The following PLA2R1 variants were observed in gnomAD, a reference collection of about 807,000 sequenced individuals.
The protein encoded by PLA2R1 is secretory phospholipase A2 receptor.
PLA2R1 carries 158 observed loss-of-function variants against 195.9 expected under a neutral mutation model. That is an observed-to-expected ratio of 0.81 (90% CI 0.71 to 0.92). The LOEUF is 0.92. PLA2R1 is among the 40% of genes least tolerant of loss of function. PLA2R1 has a pLI of 0.00. For missense variants in PLA2R1, 1,626 were observed against 1,764.6 expected (o/e 0.92, Z 1.41); for synonymous variants, 586 against 598.2 (o/e 0.98, Z 0.30).
intron 2 of PLA2R1, among the ~76,000 whole-genome samples, chr2:160,042,527 C>A (rs974628587): frequency 6.6e-6 from 1 of 152,116 alleles, no homozygotes; most frequent in Non-Finnish European, 1.5e-5. Flanking sequence ...ACCTTCCAGT[C>A]GCCAAACACA....
intron 29 of PLA2R1, 44 bp downstream of exon 29, chr2:159,942,083 A>C: frequency 6.3e-6 from 10 of 1,596,266 alleles, no homozygotes; most frequent in Non-Finnish European, 8.6e-6. Context: ...CTATCTTATT[A>C]TTTCTAAGAA....
chr2:160,060,970 CT>C (rs1695912469), intron 1 of PLA2R1, among the ~76,000 whole-genome samples: 1 of 152,248 alleles, frequency 6.6e-6, no homozygotes. Flanking sequence ...GCATCTCTGA[CT>C]TTGGTCACTT....
intron 13 of PLA2R1, among the ~76,000 whole-genome samples, chr2:159,983,350 G>C (rs1690094138): frequency 1.3e-5 from 2 of 151,860 alleles, no homozygotes; most frequent in South Asian, 4.1e-4. Flanking sequence ...CTGAATTCAA[G>C]GTTCTGTAAA....
intron 7 of PLA2R1, 140 bp downstream of exon 7, chr2:160,022,525 G>T: frequency 2.2e-6 from 1 of 447,772 alleles, no homozygotes; most frequent in Non-Finnish European, 3.9e-6. Context: ...TTGAACTCCT[G>T]AATAACATTT....
At chr2:159,982,182 C>A (rs952008957) in intron 13 of PLA2R1, among the ~76,000 whole-genome samples, 1 of 152,174 alleles carries the variant, frequency 6.6e-6, no homozygotes, top group Non-Finnish European at 1.5e-5. Flanking sequence ...TTAAAGGAAG[C>A]TAAAGTAATG....
At chr2:159,951,077 T>C (rs1470812386) in intron 24 of PLA2R1, among the ~76,000 whole-genome samples, 2 of 152,140 alleles carry the variant, frequency 1.3e-5, no homozygotes, top group Admixed American at 1.3e-4. Context: ...ACTTGGAAAT[T>C]TTCAGAGAAC....
At chr2:159,951,204 C>T in intron 24 of PLA2R1, 136 bp downstream of exon 24, 1 of 624,402 alleles carries the variant, frequency 1.6e-6, no homozygotes, top group South Asian at 2.0e-5. Flanking sequence ...ATTGCATAAA[C>T]CAATTATTTA....
chr2:159,960,162 T>G (rs1320326928), intron 20 of PLA2R1, among the ~76,000 whole-genome samples: 1 of 152,192 alleles, frequency 6.6e-6, no homozygotes, highest in African/African-American at 2.4e-5. Flanking sequence ...TTCTTAAATG[T>G]CATACTCCCA....
At position 159,967,678 on chromosome 2, in the gene PLA2R1, C is replaced by A. The variant is rs1688878832; in HGVS notation, c.2765G>T (p.Gly922Val). ...TGAACACTCTTCACTACCCCAGAGTCCTGGAGGAGAAAATGGGTTAGAAAT... is the reference window on the plus strand; with the variant it reads ...TGAACACTCTTCACTACCCCAGAGTACTGGAGGAGAAAATGGGTTAGAAAT... ...QRCGFISSIT[G>V]LWGSEECSVS... Residue 922 changes from glycine (G) to valine (V), a missense_variant and splice_region_variant, in exon 20 of 30, where the codon GGA (glycine) becomes GTA (valine). By Grantham distance (109) the Gly-to-Val change is moderately radical. Coordinates refer to ENST00000283243, the MANE Select transcript of PLA2R1 (RefSeq NM_007366.5). 2 of 1,612,282 alleles carry A rather than the reference C, an allele frequency of 1.2e-6. No homozygotes were observed. The highest frequency in any genetic ancestry group is 2.2e-5 in the South Asian group (2 of 90,654).
chr2:160,061,943 C>CA (rs1358981004), intron 1 of PLA2R1, among the ~76,000 whole-genome samples: 1 of 152,152 alleles, frequency 6.6e-6, no homozygotes, highest in Non-Finnish European at 1.5e-5. Flanking sequence ...AAGCAGCTCT[C>CA]AGAAAGTTTC....
At chr2:160,054,872 G>A (rs1312494007) in intron 1 of PLA2R1, among the ~76,000 whole-genome samples, 1 of 152,120 alleles carries the variant, frequency 6.6e-6, no homozygotes, top group African/African-American at 2.4e-5. Context: ...AAAAAAAAAT[G>A]GAGGGAAGGG....
the PLA2R1 span, among the ~76,000 whole-genome samples, chr2:159,926,826 A>G: frequency 0.056 from 8,507 of 152,064 alleles, 773 homozygotes; most frequent in African/African-American, 0.19. Context: ...GCCTGAAGAG[A>G]CAGTGTGTTT....
Position 159,932,904 on chromosome 2 carries a change from G to A in PLA2R1, c.*8874C>T, listed in dbSNP as rs1298024889. 2.0e-5 allele frequency: 3 copies of A among 151,634 alleles called. No individual in the cohort carries two copies. The highest frequency in any genetic ancestry group is 6.6e-5 in the Admixed American group (1 of 15,198). The allele number at this position is 151,634 out of a possible 1,614,324, so 9.4% of individuals were successfully genotyped here. A position where few individuals can be genotyped will look rare whatever the true frequency, so the allele number is the denominator to read the frequency against. ...CTAATATAAATAAGAGACTTAATGG[G>A]AGAAACAGAAACACATTTTACATTA... On this transcript the variant is annotated 3_prime_UTR_variant, in exon 30 of 30. Coordinates refer to ENST00000283243, the MANE Select transcript of PLA2R1 (RefSeq NM_007366.5).
intron 19 of PLA2R1, 60 bp downstream of exon 19, chr2:159,969,196 T>C: frequency 3.7e-6 from 3 of 808,132 alleles, no homozygotes; most frequent in Non-Finnish European, 4.2e-6. Flanking sequence ...GAAAAGACTT[T>C]AAGCCTCCTG....
intron 1 of PLA2R1, among the ~76,000 whole-genome samples, chr2:160,050,961 T>C (rs1017525187): frequency 6.6e-6 from 1 of 152,232 alleles, no homozygotes; most frequent in African/African-American, 2.4e-5. Flanking sequence ...CCTTTAGCTT[T>C]AGACAGCTCT....
chr2:160,021,219 A>T (rs573975188), intron 7 of PLA2R1, among the ~76,000 whole-genome samples: 1 of 152,306 alleles, frequency 6.6e-6, no homozygotes, highest in Non-Finnish European at 1.5e-5. Context: ...CAGTACTGGG[A>T]TTACTCAAAG....
chr2:160,011,220 T>G (rs1692340056), intron 10 of PLA2R1, among the ~76,000 whole-genome samples: 1 of 152,228 alleles, frequency 6.6e-6, no homozygotes, highest in South Asian at 2.1e-4. Context: ...ATATGAAGCA[T>G]TTGTTCTAAC....
intron 11 of PLA2R1, among the ~76,000 whole-genome samples, chr2:160,005,145 C>T (rs183943594): frequency 1.3e-5 from 2 of 152,132 alleles, no homozygotes; most frequent in African/African-American, 4.8e-5. Flanking sequence ...ATGACTCATA[C>T]GGATTATACT....
Position 159,955,225 on chromosome 2 carries a change from T to C in PLA2R1, c.3275A>G (p.Tyr1092Cys), listed in dbSNP as rs752645519. 1.4e-5 allele frequency: 23 copies of C among 1,610,266 alleles called. No homozygotes were observed. The highest frequency in any genetic ancestry group is 1.9e-5 in the Non-Finnish European group (22 of 1,178,220). Reference sequence around the variant, plus strand: ...TTGCATTTTTTCACAAACAAACCCATAGCCTTCCTTTCCACAGTCTTCAAA... The same window carrying C: ...TTGCATTTTTTCACAAACAAACCCACAGCCTTCCTTTCCACAGTCTTCAAA... The part of the protein sequence containing the change: ...WYFEDCGKEG[Y>C]GFVCEKMQDT... Residue 1092 changes from tyrosine to cysteine, a missense_variant, in exon 23 of 30, where the codon TAT becomes TGT. Tyr to Cys is a radical substitution (Grantham distance 194). Transcript: ENST00000283243.
Sources: allele counts gnomAD v4.1 joint callset (sites outside exome capture counted in the v4.1 genomes callset), GRCh38; gene constraint gnomAD v4.1.1; transcripts MANE v1.5; gene names NCBI Gene and HGNC (gene_info 2026-07-23, HGNC 2026-07-21).